The following KCNQ1 variants were observed in gnomAD, a reference collection of about 807,000 sequenced individuals.
KCNQ1 encodes the protein potassium voltage-gated channel subfamily KQT member 1.
Under a neutral mutation model 72.4 loss-of-function variants are expected in KCNQ1, and 49 were observed. That is an observed-to-expected ratio of 0.68 (90% CI 0.54 to 0.86). The LOEUF is 0.86. KCNQ1 is among the 40% of genes least tolerant of loss of function. The probability of loss-of-function intolerance (pLI) is 0.00; values close to 1 mark genes in which losing one functional copy is unlikely to be tolerated. For synonymous variants in KCNQ1, 450 were observed against 412.6 expected, an observed-to-expected ratio of 1.09 and a Z score of -1.10; for missense variants, 790 against 945.1, an observed-to-expected ratio of 0.84 and a Z score of 2.15.
At chr11:2,502,385 C>A (rs762683599) in intron 1 of KCNQ1, among the ~76,000 whole-genome samples, 3 of 152,158 alleles carry the variant, frequency 2.0e-5, no homozygotes, top group Admixed American at 2.0e-4. Context: ...AGTAGCATTT[C>A]TATATGCCAA....
intron 1 of KCNQ1, among the ~76,000 whole-genome samples, chr11:2,472,091 GGT>G (rs558697558): frequency 6.6e-6 from 1 of 150,810 alleles, no homozygotes; most frequent in Non-Finnish European, 1.5e-5. Flanking sequence ...TGTATATATG[GGT>G]GTGTGTGCAC....
chr11:2,705,778 A>T (rs1850900808), intron 11 of KCNQ1, among the ~76,000 whole-genome samples: 1 of 152,216 alleles, frequency 6.6e-6, no homozygotes, highest in South Asian at 2.1e-4. Flanking sequence ...AAAAAGCCCC[A>T]TCCCTGTCGC....
chr11:2,812,460 C>T (rs1210778245), intron 15 of KCNQ1, among the ~76,000 whole-genome samples: 3 of 152,210 alleles, frequency 2.0e-5, no homozygotes, highest in Admixed American at 6.5e-5. Context: ...CCTGCCCGGC[C>T]GGCTCTGTGG....
chr11:2,543,190 G>A lies in KCNQ1; in HGVS notation c.477+15172G>A, dbSNP rs983403627. ...GCTGTTTGTCATCTGAGTTGTAAAA[G>A]TTCTTTGTATATTCTGGTTACATAG... On this transcript the variant is annotated intron_variant, in intron 2 of 15. Coordinates refer to ENST00000155840, the MANE Select transcript of KCNQ1 (RefSeq NM_000218.3). The surrounding 1 kb of genome is among the most constrained non-coding windows in gnomAD (Gnocchi z 5.6). 1.3e-4 allele frequency among the ~76,000 whole-genome samples: 20 copies of A among 152,134 alleles called. No homozygotes were observed. Among genetic ancestry groups the A allele is most frequent in the African/African-American group, 4.3e-4 (18 of 41,412 alleles).
In KCNQ1 at chr11:2,504,130, C is replaced by T. The variant is rs117218804; in HGVS notation, c.387-23798C>T. ...AAGAAAATGCTGTGTATACACGCAA[C>T]GGTATACTAGTTAGCCATGAAAAAG... On this transcript the variant is annotated intron_variant, in intron 1 of 15. Coordinates refer to ENST00000155840, the MANE Select transcript of KCNQ1 (RefSeq NM_000218.3). Among the ~76,000 whole-genome samples, 483 of 152,226 alleles carry T rather than the reference C, an allele frequency of 3.2e-3. 3 individuals are homozygous for T. Among genetic ancestry groups the T allele is most frequent in the African/African-American group, 8.8e-3 (365 of 41,536 alleles).
chr11:2,683,021 T>G lies in KCNQ1; in HGVS notation c.1514+20940T>G. ...GCTGTGCAGCCTTAGTTCTGCCTCC[T>G]GAGAGAGGTGACCTTCTCCCACTTC... is the stretch of plus-strand genomic sequence containing the variant. On this transcript the variant is annotated intron_variant, in intron 11 of 15. Coordinates refer to ENST00000155840, the MANE Select transcript of KCNQ1 (RefSeq NM_000218.3). This position sits in a 1 kb window ranked among gnomAD's most constrained non-coding sequence, Gnocchi z 4.7. The G allele has an allele frequency of 2.5e-6, 1 of 398,700 alleles. No individual in the cohort carries two copies. The highest frequency in any genetic ancestry group is 4.4e-6 in the Non-Finnish European group (1 of 226,098). 24.7% of individuals were successfully genotyped at this position (398,700 alleles called of 1,614,324 possible).
chr11:2,668,448 T>C lies in KCNQ1; in HGVS notation c.1514+6367T>C. ...GCAGCATTCTGGCTGCTCCACATCC[T>C]AACACTTGGCATTTTCCGTCGTTTC... is the stretch of plus-strand genomic sequence containing the variant. On this transcript the variant is annotated intron_variant, in intron 11 of 15. Transcript: ENST00000155840. The surrounding 1 kb of genome is among the most constrained non-coding windows in gnomAD (Gnocchi z 4.3). 7.5e-6 allele frequency: 3 copies of C among 398,634 alleles called. No homozygotes were observed. The highest frequency in any genetic ancestry group is 7.1e-5 in the East Asian group (2 of 28,076). The allele number at this position is 398,634 out of a possible 1,614,324, so 24.7% of individuals were successfully genotyped here. A position where few individuals can be genotyped will look rare whatever the true frequency, so the allele number is the denominator to read the frequency against.
Position 2,497,641 on chromosome 11 carries a change from T to C in KCNQ1, c.387-30287T>C, listed in dbSNP as rs1311107520. The stretch of plus-strand genomic sequence containing the variant: ...TCTCTAGCTCAGAGGAATTTGTTAT[T>C]ACCCACCTTCTGAAGCCTACTTCTG... On this transcript the variant is annotated intron_variant, in intron 1 of 15. Transcript: ENST00000155840. The surrounding 1 kb of genome is among the most constrained non-coding windows in gnomAD (Gnocchi z 4.5). Among the ~76,000 whole-genome samples the C allele has an allele frequency of 6.6e-6, 1 of 152,210 alleles. No homozygotes were observed. The highest frequency in any genetic ancestry group is 1.9e-4 in the East Asian group (1 of 5,188).
intron 2 of KCNQ1, among the ~76,000 whole-genome samples, chr11:2,530,398 C>T (rs911333287): frequency 3.9e-5 from 6 of 152,266 alleles, no homozygotes; most frequent in Admixed American, 3.9e-4. Context: ...TGGGGGGTCC[C>T]TGACCTGGTA....
chr11:2,541,708 T>A lies in KCNQ1; in HGVS notation c.477+13690T>A, dbSNP rs1208917475. Among the ~76,000 whole-genome samples the A allele has an allele frequency of 1.3e-5, 2 of 151,218 alleles. No individual in the cohort carries two copies. Among genetic ancestry groups the A allele is most frequent in the African/African-American group, 4.9e-5 (2 of 40,946 alleles). ...TCTCAGGCTCAGGTGTTTTGAGTTT[T>A]TTTTTTTTTTTAAATGAGGACATCT... On this transcript the variant is annotated intron_variant, in intron 2 of 15. Transcript: ENST00000155840. This position sits in a 1 kb window ranked among gnomAD's most constrained non-coding sequence, Gnocchi z 4.8.
intron 11 of KCNQ1, chr11:2,684,752 G>C (rs1850455100): frequency 2.5e-6 from 1 of 398,648 alleles, no homozygotes; most frequent in Middle Eastern, 6.3e-4. Flanking sequence ...GGGAGAAAAG[G>C]GGTAAGGGAG....
Position 2,784,706 on chromosome 11 carries a change from A to G in KCNQ1, c.1794+6669A>G, listed in dbSNP as rs186545309. ...TATTTGATCTACTTTAATTTCTTTCAGTGATATTTTGCAGTTTGGGGCATA... is the reference window on the plus strand; with the variant it reads ...TATTTGATCTACTTTAATTTCTTTCGGTGATATTTTGCAGTTTGGGGCATA... On this transcript the variant is annotated intron_variant, in intron 15 of 15. Transcript: ENST00000155840. This position sits in a 1 kb window ranked among gnomAD's most constrained non-coding sequence, Gnocchi z 4.7. Among the ~76,000 whole-genome samples the G allele has an allele frequency of 6.6e-6, 1 of 151,924 alleles. No individual in the cohort carries two copies. Among genetic ancestry groups the G allele is most frequent in the Non-Finnish European group, 1.5e-5 (1 of 67,788 alleles).
At position 2,521,544 on chromosome 11, in the gene KCNQ1, G is replaced by A. The variant is rs745698018; in HGVS notation, c.387-6384G>A. The A allele has an allele frequency of 1.6e-4, 73 of 470,774 alleles. No individual in the cohort carries two copies. In the Middle Eastern group the frequency reaches 2.9e-3, roughly 19 times the overall value. The allele number at this position is 470,774 out of a possible 1,614,324, so 29.2% of individuals were successfully genotyped here. ...CTGTGAAACGCTCCAGTGGTTACAC[G>A]CCCCGGGGTTTCAGCTTCGACCCTG... On this transcript the variant is annotated intron_variant, in intron 1 of 15. Coordinates refer to ENST00000155840, the MANE Select transcript of KCNQ1 (RefSeq NM_000218.3).
intron 10 of KCNQ1, chr11:2,610,293 A>G (rs1043213751): frequency 1.3e-5 from 5 of 397,978 alleles, no homozygotes; most frequent in Non-Finnish European, 2.2e-5. Context: ...CAGTTTTACC[A>G]CTTTTTGTGG....
chr11:2,583,971 A>G (rs1008334019), intron 7 of KCNQ1, among the ~76,000 whole-genome samples: 2 of 152,074 alleles, frequency 1.3e-5, no homozygotes, highest in Admixed American at 1.3e-4. Context: ...TCTAGTTCAC[A>G]ATGCCTGTAT....
intron 11 of KCNQ1, among the ~76,000 whole-genome samples, chr11:2,730,972 C>T (rs1367253558): frequency 2.0e-5 from 3 of 152,334 alleles, no homozygotes; most frequent in South Asian, 2.1e-4. Flanking sequence ...TCCCAGCCGC[C>T]GCTCTCTGGG....
At position 2,653,188 on chromosome 11, in the gene KCNQ1, T is replaced by G. The variant is rs1288645406; in HGVS notation, c.1394-8773T>G. 2 of 398,624 alleles carry G rather than the reference T, an allele frequency of 5.0e-6. No individual in the cohort carries two copies. Among genetic ancestry groups the G allele is most frequent in the Non-Finnish European group, 8.8e-6 (2 of 226,122 alleles). The allele number at this position is 398,624 out of a possible 1,614,324, so 24.7% of individuals were successfully genotyped here. On this transcript the variant is annotated intron_variant, in intron 10 of 15. Transcript: ENST00000155840. This position sits in a 1 kb window ranked among gnomAD's most constrained non-coding sequence, Gnocchi z 5.3. Reference sequence around the variant, plus strand: ...AGGAAATCCCTTTCCAAGAGTTCCCTGTGCTGTTGCAGGGCTAGGGCCAGG... The same window carrying G: ...AGGAAATCCCTTTCCAAGAGTTCCCGGTGCTGTTGCAGGGCTAGGGCCAGG...
In KCNQ1 at chr11:2,610,716, CTTTTTTTTTTT is replaced by C. The variant is rs1167505141; in HGVS notation, c.1393+21881_1393+21891del. On this transcript the variant is annotated intron_variant, in intron 10 of 15. Transcript: ENST00000155840. ...TTCTGGACACAGTATTCTTGGTTGG[CTTTTTTTTTTT>C]TTTTTTTTTTTTTTTTTTACTTTGA... 0.065 allele frequency: 14,742 copies of C among 227,520 alleles called. 10 individuals are homozygous for C. Among genetic ancestry groups the C allele is most frequent in the Middle Eastern group, 0.1 (106 of 1,060 alleles). 14.1% of individuals were successfully genotyped at this position (227,520 alleles called of 1,614,324 possible). A position where few individuals can be genotyped will look rare whatever the true frequency, so the allele number is the denominator to read the frequency against.
In KCNQ1 at chr11:2,659,650, T is replaced by G; in HGVS notation, c.1394-2311T>G. 1 of 398,550 alleles carries G rather than the reference T, an allele frequency of 2.5e-6. No homozygotes were observed. Among genetic ancestry groups the G allele is most frequent in the Non-Finnish European group, 4.4e-6 (1 of 226,018 alleles). 24.7% of individuals were successfully genotyped at this position (398,550 alleles called of 1,614,324 possible). A position where few individuals can be genotyped will look rare whatever the true frequency, so the allele number is the denominator to read the frequency against. On this transcript the variant is annotated intron_variant, in intron 10 of 15. Transcript: ENST00000155840. This position sits in a 1 kb window ranked among gnomAD's most constrained non-coding sequence, Gnocchi z 4.3. ...GATAGGTCATGTGGTATGTGTATGT[T>G]TAACTTAATAAGAAATTGCTAAACT...
Sources: gnomAD v4.1 joint callset for allele counts (sites outside exome capture counted in the v4.1 genomes callset) on GRCh38, gnomAD v4.1.1 for gene constraint, Gnocchi (gnomAD v3.1) non-coding constraint, MANE v1.5 for transcripts, NCBI Gene and HGNC (gene_info 2026-07-23, HGNC 2026-07-21) for gene names.